Variants in SRGAP2 observed in about 807,000 individuals in gnomAD.
SRGAP2 encodes SLIT-ROBO Rho GTPase-activating protein 2.
A neutral mutation model predicts 57.2 loss-of-function variants in SRGAP2; 15 were observed. The ratio of observed to expected loss-of-function variants is 0.26; its 90% CI spans 0.18 to 0.40. SRGAP2 has a LOEUF of 0.40. SRGAP2 is among the 10% of genes least tolerant of loss of function. The probability of loss-of-function intolerance (pLI) is 1.00; values close to 1 mark genes in which losing one functional copy is unlikely to be tolerated. For synonymous variants in SRGAP2, 249 were observed against 248.0 expected, an observed-to-expected ratio of 1.00 and a Z score of -0.04; for missense variants, 520 against 669.6, an observed-to-expected ratio of 0.78 and a Z score of 2.47.
intron 3 of SRGAP2, among the ~76,000 whole-genome samples, chr1:206,331,515 A>T (rs1674353460): frequency 6.7e-6 from 1 of 149,394 alleles, no homozygotes; most frequent in East Asian, 2.0e-4. Context: ...ATATATATTT[A>T]GGATAGTTAG....
At chr1:206,324,273 AGCAAAG>A (rs1553328966) in intron 3 of SRGAP2, among the ~76,000 whole-genome samples, 2 of 146,586 alleles carry the variant, frequency 1.4e-5, no homozygotes, top group African/African-American at 2.5e-5. Flanking sequence ...TTCCTCACTT[AGCAAAG>A]GCTGGTTTTT....
intron 4 of SRGAP2, among the ~76,000 whole-genome samples, chr1:206,371,832 G>A (rs1654586591): frequency 1.1e-5 from 1 of 87,132 alleles, no homozygotes; most frequent in Non-Finnish European, 2.0e-5. Context: ...ATGTGTGGGT[G>A]GGAGGGACAG....
intron 7 of SRGAP2, among the ~76,000 whole-genome samples, chr1:206,394,617 T>A (rs1267861686): frequency 2.4e-4 from 36 of 152,180 alleles, no homozygotes; most frequent in Non-Finnish European, 4.7e-4. Flanking sequence ...CAGGAAGGTA[T>A]CCAGCTCCCC....
intron 2 of SRGAP2, among the ~76,000 whole-genome samples, chr1:206,301,916 A>G (rs1240738624): frequency 1.3e-5 from 2 of 149,460 alleles, no homozygotes; most frequent in African/African-American, 4.9e-5. Flanking sequence ...CATTGCTTCA[A>G]GAACATTTCA....
chr1:206,419,433 A>C, intron 12 of SRGAP2, 33 bp downstream of exon 12: 1 of 780,622 alleles, frequency 1.3e-6, no homozygotes, highest in Non-Finnish European at 2.4e-6. Flanking sequence ...CTGGGAAGTG[A>C]TAGAGGCTTG....
rs1409896448 is a variant in SRGAP2, at chr1:206,463,800, G to A, written c.*2380G>A. Reference sequence around the variant, plus strand: ...AACCGATAGGAGGAGAGTCCTTCTCGGCAGAGCTCACTGCAAACAACTGGA... The same window carrying A: ...AACCGATAGGAGGAGAGTCCTTCTCAGCAGAGCTCACTGCAAACAACTGGA... On this transcript the variant is annotated 3_prime_UTR_variant, in exon 23 of 23. Transcript: ENST00000573034. 11 of 152,620 alleles carry A rather than the reference G, an allele frequency of 7.2e-5. No individual in the cohort carries two copies. The highest frequency in any genetic ancestry group is 1.9e-4 in the African/African-American group (8 of 41,428). 9.5% of individuals were successfully genotyped at this position (152,620 alleles called of 1,614,324 possible).
rs375548087 is a variant in SRGAP2, at chr1:206,327,964, C to G, written c.261-14882C>G. Among the ~76,000 whole-genome samples the G allele has an allele frequency of 1.9e-4, 20 of 103,486 alleles. No homozygotes were observed. In the South Asian group the frequency reaches 6.1e-3, roughly 32 times the overall value. The allele number at this position is 103,486 out of a possible 152,430, so 67.9% of individuals were successfully genotyped here. On this transcript the variant is annotated intron_variant, in intron 3 of 22. Coordinates refer to ENST00000573034, the MANE Select transcript of SRGAP2 (RefSeq NM_015326.5). The stretch of plus-strand genomic sequence containing the variant: ...CAATGCTATCCCTCCCCCCTCCCCC[C>G]ACCCCACCACAGTCCCCAGAGTGTG...
chr1:206,440,611 G>A (rs114133583), intron 17 of SRGAP2, among the ~76,000 whole-genome samples: 1,565 of 151,958 alleles, frequency 0.01, 14 homozygotes, highest in Non-Finnish European at 0.018. Context: ...ACAGTGGAGC[G>A]ATCTTGGCTT....
At chr1:206,378,794 C>T (rs1655453750) in intron 4 of SRGAP2, among the ~76,000 whole-genome samples, 1 of 152,200 alleles carries the variant, frequency 6.6e-6, no homozygotes, top group African/African-American at 2.4e-5. Flanking sequence ...AGCTGTAACA[C>T]TCACCGCGAA....
chr1:206,319,864 A>G (rs2102826754), intron 3 of SRGAP2, among the ~76,000 whole-genome samples: 1 of 148,866 alleles, frequency 6.7e-6, no homozygotes, highest in South Asian at 2.1e-4. Flanking sequence ...GCTGGGGTGC[A>G]ATGATGCCAT....
At position 206,360,017 on chromosome 1, in the gene SRGAP2, A is replaced by G. The variant is rs1331544992; in HGVS notation, c.423+17009A>G. Among the ~76,000 whole-genome samples, 20 of 151,586 alleles carry G rather than the reference A, an allele frequency of 1.3e-4. No homozygotes were observed. The South Asian group carries it at 1.5e-3, about 11-fold the overall frequency. On this transcript the variant is annotated intron_variant, in intron 4 of 22. Coordinates refer to ENST00000573034, the MANE Select transcript of SRGAP2 (RefSeq NM_015326.5). ...GAGACGGGGTTTCACCGTTTTAGCC[A>G]GGATGGTCTCGATCTCCTGACCTCG...
intron 14 of SRGAP2, among the ~76,000 whole-genome samples, chr1:206,433,558 T>G (rs1661455524): frequency 6.6e-6 from 1 of 150,550 alleles, no homozygotes. Flanking sequence ...CAAGAATCAC[T>G]CAAACCCAGG....
At chr1:206,389,046 A>T (rs1656622359) in intron 5 of SRGAP2, among the ~76,000 whole-genome samples, 1 of 151,854 alleles carries the variant, frequency 6.6e-6, no homozygotes. Flanking sequence ...GTATACCCCT[A>T]TCCTCAGCTG....
intron 16 of SRGAP2, 45 bp downstream of exon 16, chr1:206,438,143 C>T (rs368012284): frequency 7.8e-5 from 60 of 774,048 alleles, no homozygotes; most frequent in Non-Finnish European, 1.2e-4. Flanking sequence ...GCTACAGCAC[C>T]GGTAGCAAGA....
At position 206,463,513 on chromosome 1, in the gene SRGAP2, C is replaced by T. The variant is rs1664388646; in HGVS notation, c.*2093C>T. ...CCTTTCTCCCTCTCTCCAGCACACT[C>T]CCCTCTAAGAAAGTAAAAGCAAAGC... On this transcript the variant is annotated 3_prime_UTR_variant, in exon 23 of 23. Coordinates refer to ENST00000573034, the MANE Select transcript of SRGAP2 (RefSeq NM_015326.5). The T allele has an allele frequency of 6.5e-6, 1 of 152,686 alleles. No homozygotes were observed. The highest frequency in any genetic ancestry group is 1.5e-5 in the Non-Finnish European group (1 of 68,076). The allele number at this position is 152,686 out of a possible 1,614,324, so 9.5% of individuals were successfully genotyped here.
intron 3 of SRGAP2, among the ~76,000 whole-genome samples, chr1:206,322,504 C>T (rs1216073875): frequency 9.4e-5 from 14 of 148,826 alleles, no homozygotes; most frequent in Non-Finnish European, 1.0e-4. Flanking sequence ...GGGGTGAACC[C>T]GGGAGGTGGA....
intron 3 of SRGAP2, among the ~76,000 whole-genome samples, chr1:206,306,949 G>C (rs1339245772): frequency 6.6e-6 from 1 of 151,444 alleles, no homozygotes; most frequent in African/African-American, 2.4e-5. Flanking sequence ...ACAGAGTGTC[G>C]ATTGGTGCAC....
chr1:206,247,871 C>T, intron 2 of SRGAP2, among the ~76,000 whole-genome samples: 1 of 131,150 alleles, frequency 7.6e-6, no homozygotes, highest in South Asian at 3.0e-4. Flanking sequence ...TGATCAATGA[C>T]TTAACCGAGG....
chr1:206,418,888 C>CTG (rs1159940831), intron 11 of SRGAP2, among the ~76,000 whole-genome samples: 22,948 of 135,822 alleles, frequency 0.17, 2,293 homozygotes, highest in Middle Eastern at 0.23. Flanking sequence ...CCAACTCTCT[C>CTG]TGTGTGTGTG....
Sources: allele counts gnomAD v4.1 joint callset (sites outside exome capture counted in the v4.1 genomes callset), GRCh38; gene constraint gnomAD v4.1.1; transcripts MANE v1.5; gene names NCBI Gene and HGNC (gene_info 2026-07-23, HGNC 2026-07-21).